ZNF638: variants seen among roughly 807,000 people sequenced by gnomAD.
The protein encoded by ZNF638 is CTCL tumor antigen se33-1.
ZNF638 carries 46 observed loss-of-function variants against 195.6 expected under a neutral mutation model. That is an observed-to-expected ratio of 0.24 (90% CI 0.19 to 0.30). ZNF638 has a LOEUF of 0.30. Ranked by LOEUF, ZNF638 falls within the 10% of genes least tolerant of loss-of-function variation. The pLI is 1.00. For missense variants in ZNF638, 2,440 were observed against 2,325.3 expected (o/e 1.05, Z -1.01); for synonymous variants, 845 against 772.0 (o/e 1.09, Z -1.57).
chr2:71,391,108 A>G (rs745874551), intron 10 of ZNF638, among the ~76,000 whole-genome samples: 5 of 152,210 alleles, frequency 3.3e-5, no homozygotes, highest in Non-Finnish European at 7.3e-5. Context: ...AGAACCATCA[A>G]GCAGCCCTTA....
In ZNF638 at chr2:71,424,725, A is replaced by G. The variant is rs2080502262; in HGVS notation, c.4590+10A>G. On this transcript the variant is annotated intron_variant, in intron 23 of 27. Coordinates refer to ENST00000264447, the MANE Select transcript of ZNF638 (RefSeq NM_014497.5). ...TTCCAAATCTAAAGAGGTAAAAAAT[A>G]GATCACAGACCCTAACCCTTCTTTT... 1.2e-6 allele frequency: 2 copies of G among 1,607,436 alleles called. No homozygotes were observed. The highest frequency in any genetic ancestry group is 1.7e-6 in the Non-Finnish European group (2 of 1,174,862).
intron 26 of ZNF638, among the ~76,000 whole-genome samples, chr2:71,432,957 C>T (rs1020110323): frequency 1.3e-5 from 2 of 152,160 alleles, no homozygotes; most frequent in African/African-American, 2.4e-5. Flanking sequence ...CGCGGTGGCG[C>T]ACACCTGTAA....
At chr2:71,388,685 G>A (rs773615600) in intron 10 of ZNF638, 17 of 1,132,274 alleles carry the variant, frequency 1.5e-5, no homozygotes, top group Non-Finnish European at 2.0e-5. Flanking sequence ...GGATCACGAC[G>A]GAACCCCCGA....
At chr2:71,410,590 C>T (rs978889802) in intron 20 of ZNF638, among the ~76,000 whole-genome samples, 2 of 152,050 alleles carry the variant, frequency 1.3e-5, no homozygotes, top group African/African-American at 4.8e-5. Flanking sequence ...AACATTGTTT[C>T]AATGTCCTAG....
chr2:71,389,349 A>T (rs2079720403), intron 10 of ZNF638, among the ~76,000 whole-genome samples: 1 of 152,212 alleles, frequency 6.6e-6, no homozygotes, highest in Admixed American at 6.5e-5. Context: ...TGACGCTTAT[A>T]AAGATAAGAA....
Position 71,426,872 on chromosome 2 carries a change from T to G in ZNF638, c.5003T>G (p.Val1668Gly), listed in dbSNP as rs2080550503. 6.2e-7 allele frequency: 1 copy of G among 1,614,166 alleles called. No homozygotes were observed. Among genetic ancestry groups the G allele is most frequent in the South Asian group, 1.1e-5 (1 of 91,072 alleles). Residue 1668 changes from valine to glycine, a missense_variant, in exon 24 of 28, where the codon GTG becomes GGG. By Grantham distance (109) the Val-to-Gly change is moderately radical. Coordinates refer to ENST00000264447, the MANE Select transcript of ZNF638 (RefSeq NM_014497.5). ...SEPKDVTVLSVAEEQDLLKQE... is the reference protein window; with the variant it reads ...SEPKDVTVLSGAEEQDLLKQE... ...CCTAAAGATGTTACTGTTCTGTCAG[T>G]GGCTGAAGAACAAGATCTCCTCAAA...
intron 8 of ZNF638, chr2:71,376,223 A>G (rs1192437435): frequency 2.0e-5 from 3 of 152,204 alleles, no homozygotes; most frequent in African/African-American, 7.2e-5. Flanking sequence ...TTTCATGGCA[A>G]ATATTAATGT....
chr2:71,433,483 T>G (rs2080707858), intron 27 of ZNF638, 200 bp downstream of exon 27: 1 of 503,618 alleles, frequency 2.0e-6, no homozygotes, highest in South Asian at 2.6e-5. Flanking sequence ...CAGCAACATT[T>G]GCCAGAGTAG....
chr2:71,419,951 T>A (rs1005206531), intron 21 of ZNF638, among the ~76,000 whole-genome samples: 6 of 123,580 alleles, frequency 4.9e-5, no homozygotes, highest in South Asian at 3.2e-4. Flanking sequence ...ACCAAAAACT[T>A]CTTAATTCCC....
intron 1 of ZNF638, among the ~76,000 whole-genome samples, chr2:71,343,234 T>C (rs946130923): frequency 2.0e-5 from 3 of 152,218 alleles, no homozygotes; most frequent in African/African-American, 7.2e-5. Flanking sequence ...GGAACGCAAC[T>C]GTATTTTATT....
chr2:71,352,495 T>TAA (rs58110916), intron 2 of ZNF638, among the ~76,000 whole-genome samples: 4 of 134,630 alleles, frequency 3.0e-5, no homozygotes, highest in Non-Finnish European at 4.8e-5. Flanking sequence ...ATAAAAAAAA[T>TAA]AAAAAAAAAA....
chr2:71,404,474 C>T lies in ZNF638; in HGVS notation c.2958+476C>T, dbSNP rs373911211. Among the ~76,000 whole-genome samples the T allele has an allele frequency of 3.9e-5, 6 of 152,150 alleles. No homozygotes were observed. The South Asian group carries it at 8.3e-4, about 21-fold the overall frequency. On this transcript the variant is annotated intron_variant, in intron 17 of 27. Transcript: ENST00000264447. The stretch of plus-strand genomic sequence containing the variant: ...CTGGTGATCCCAGCACTTTGAGAGG[C>T]TGAGGTGGGAGGACTGTGTGAGCCC...
Position 71,369,953 on chromosome 2 carries a change from C to T in ZNF638, c.2213C>T (p.Thr738Met), listed in dbSNP as rs146178620. The T allele has an allele frequency of 2.9e-5, 47 of 1,594,302 alleles. No individual in the cohort carries two copies. The highest frequency in any genetic ancestry group is 2.0e-4 in the Admixed American group (11 of 55,754). ...AAGTACATTGAAACAACACCTCTTA[C>T]GATAAAAGGAAAAAGTGTGAAAATA... ...IMKYIETTPL[T>M]IKGKSVKICV... is the part of the protein sequence containing the mutation. The change falls in exon 8 of 28, where the codon ACG becomes ATG. Residue 738 changes from threonine to methionine, a missense_variant. Thr to Met is a moderately conservative substitution (Grantham distance 81, BLOSUM62 -1). Around this residue, in one of 5 missense-constraint regions of ZNF638, gnomAD observed 1,883 missense variants for 1,739.1 expected, o/e 1.08. Transcript: ENST00000264447.
chr2:71,333,111 C>G (rs2104046635), intron 1 of ZNF638: 1 of 152,266 alleles, frequency 6.6e-6, no homozygotes, highest in African/African-American at 2.4e-5. Flanking sequence ...GAAAAACAAA[C>G]ATGTAAATGA....
Position 71,364,446 on chromosome 2 carries a change from ACAT to A in ZNF638, c.1717+198_1717+200del, listed in dbSNP as rs551569581. ...TGTGTGTGAATGTATGTGTCCATCA[ACAT>A]CATATTTAAAAACCAAGGATGGTAA... On this transcript the variant is annotated intron_variant, in intron 5 of 27. Coordinates refer to ENST00000264447, the MANE Select transcript of ZNF638 (RefSeq NM_014497.5). 3.0e-3 allele frequency among the ~76,000 whole-genome samples: 458 copies of A among 152,342 alleles called. 2 individuals are homozygous for A. The highest frequency in any genetic ancestry group is 0.011 in the African/African-American group (441 of 41,568).
chr2:71,346,192 T>C (rs2078848093), intron 1 of ZNF638, among the ~76,000 whole-genome samples: 1 of 152,226 alleles, frequency 6.6e-6, no homozygotes, highest in African/African-American at 2.4e-5. Flanking sequence ...TATGAAGTTA[T>C]AAGAGGAGTC....
intron 27 of ZNF638, 82 bp downstream of exon 27, chr2:71,433,365 T>C: frequency 1.0e-6 from 1 of 979,886 alleles, no homozygotes; most frequent in Non-Finnish European, 1.6e-6. Context: ...AACGTACATT[T>C]CCCCCCGCTT....
chr2:71,419,140 G>GT (rs1478738488), intron 21 of ZNF638, among the ~76,000 whole-genome samples: 1 of 152,178 alleles, frequency 6.6e-6, no homozygotes, highest in African/African-American at 2.4e-5. Flanking sequence ...ATGAAAGCTT[G>GT]TTTTTCAAAG....
intron 10 of ZNF638, among the ~76,000 whole-genome samples, chr2:71,387,270 CCAAAACATA>C (rs1282415121): frequency 2.0e-5 from 3 of 152,040 alleles, no homozygotes; most frequent in African/African-American, 7.2e-5. Flanking sequence ...GAGATATTTC[CCAAAACATA>C]CAAAACATCA....
Sources: allele counts gnomAD v4.1 joint callset (sites outside exome capture counted in the v4.1 genomes callset), GRCh38; gene constraint gnomAD v4.1.1; regional missense constraint gnomAD v4.1.1; transcripts MANE v1.5; gene names NCBI Gene and HGNC (gene_info 2026-07-23, HGNC 2026-07-21).